PSME4: variants seen among roughly 807,000 people sequenced by gnomAD.
The protein encoded by PSME4 is proteasome activator subunit 4.
Under a neutral mutation model 253.9 loss-of-function variants are expected in PSME4, and 89 were observed. The observed-to-expected ratio is 0.35, with a 90% confidence interval of 0.30 to 0.42. The LOEUF (loss-of-function observed/expected upper bound fraction) is 0.42, where lower values mean the gene tolerates loss of function less well. Ranked by LOEUF, PSME4 falls within the 10% of genes least tolerant of loss-of-function variation. The pLI, the probability that PSME4 is intolerant of heterozygous loss-of-function variation, is 1.00. For synonymous variants in PSME4, 851 were observed against 759.2 expected (o/e 1.12, Z -1.99); for missense variants, 2,014 against 2,195.2 (o/e 0.92, Z 1.65).
chr2:53,920,537 G>GA (rs776638128), intron 18 of PSME4, among the ~76,000 whole-genome samples, 187 bp from the exon 19 acceptor site: 8 of 152,138 alleles, frequency 5.3e-5, no homozygotes, highest in Admixed American at 1.3e-4. Flanking sequence ...TATCACTCCT[G>GA]AAAAAAGTCT....
At chr2:53,953,476 C>T (rs1670092371) in intron 1 of PSME4, among the ~76,000 whole-genome samples, 2 of 123,228 alleles carry the variant, frequency 1.6e-5, no homozygotes, top group Non-Finnish European at 3.3e-5. Flanking sequence ...ATGGTGAAAC[C>T]CCATGTCTAT....
intron 26 of PSME4, among the ~76,000 whole-genome samples, chr2:53,904,806 T>C (rs1027207127): frequency 2.6e-5 from 4 of 151,652 alleles, no homozygotes; most frequent in East Asian, 2.0e-4. Flanking sequence ...CTGGCCAACA[T>C]GGTGAAACCC....
At chr2:53,936,526 A>C (rs1255161199) in intron 6 of PSME4, among the ~76,000 whole-genome samples, 1 of 152,184 alleles carries the variant, frequency 6.6e-6, no homozygotes, top group African/African-American at 2.4e-5. Context: ...TTTACAATAC[A>C]TGCTTATACT....
chr2:53,890,822 G>A (rs1269711826), intron 36 of PSME4, among the ~76,000 whole-genome samples: 1 of 152,100 alleles, frequency 6.6e-6, no homozygotes, highest in Non-Finnish European at 1.5e-5. Flanking sequence ...GAAATCAGGA[G>A]TTCAAGATCA....
At chr2:53,895,391 G>C (rs544815348) in intron 33 of PSME4, among the ~76,000 whole-genome samples, 192 bp downstream of exon 33, 18 of 152,124 alleles carry the variant, frequency 1.2e-4, no homozygotes, top group Non-Finnish European at 2.2e-4. Flanking sequence ...ATTCAGAAAG[G>C]CTAAGGGTTT....
chr2:53,954,982 C>G (rs1346544012), intron 1 of PSME4, among the ~76,000 whole-genome samples: 1 of 151,806 alleles, frequency 6.6e-6, no homozygotes, highest in Non-Finnish European at 1.5e-5. Flanking sequence ...GAATTCAAGA[C>G]TAGCCTGGGT....
At chr2:53,923,171 G>T in intron 15 of PSME4, 53 bp from the exon 16 acceptor site, 1 of 1,515,862 alleles carries the variant, frequency 6.6e-7, no homozygotes, top group Non-Finnish European at 9.0e-7. Flanking sequence ...ATATATACAA[G>T]ATTATATTTT....
At chr2:53,872,325 C>T (rs1558641777) in intron 43 of PSME4, among the ~76,000 whole-genome samples, 1 of 152,114 alleles carries the variant, frequency 6.6e-6, no homozygotes, top group Non-Finnish European at 1.5e-5. Context: ...AAACAGTTCT[C>T]ATTTAGATAA....
chr2:53,953,269 C>A (rs1006156224), intron 1 of PSME4, among the ~76,000 whole-genome samples: 1 of 151,846 alleles, frequency 6.6e-6, no homozygotes, highest in African/African-American at 2.4e-5. Context: ...CACTATAAGA[C>A]ACCATTAAAA....
chr2:53,868,552 T>TA (rs1553401978), intron 44 of PSME4, among the ~76,000 whole-genome samples: 2 of 51,446 alleles, frequency 3.9e-5, no homozygotes, highest in African/African-American at 6.4e-5. Context: ...TAAATATATT[T>TA]ATAATATATA....
intron 33 of PSME4, 135 bp downstream of exon 33, chr2:53,895,448 A>G (rs1680096863): frequency 1.1e-6 from 1 of 919,602 alleles, no homozygotes; most frequent in South Asian, 1.8e-5. Flanking sequence ...TGGCAGGAGC[A>G]AAAGAAAGAG....
chr2:53,939,343 C>T (rs562273386), intron 4 of PSME4, among the ~76,000 whole-genome samples: 8 of 151,862 alleles, frequency 5.3e-5, no homozygotes, highest in East Asian at 1.9e-4. Flanking sequence ...AGTTCAAGTA[C>T]GTAAAATTGA....
chr2:53,887,847 A>G lies in PSME4; in HGVS notation c.4520+11T>C. 1 of 1,585,302 alleles carries G rather than the reference A, an allele frequency of 6.3e-7. No homozygotes were observed. Among genetic ancestry groups the G allele is most frequent in the Non-Finnish European group, 8.6e-7 (1 of 1,156,818 alleles). On this transcript the variant is annotated intron_variant, in intron 39 of 46. Coordinates refer to ENST00000404125, the MANE Select transcript of PSME4 (RefSeq NM_014614.3). ...ACTCGAGAGGTACACCACAGAGAAA[A>G]CAGTACCTACCTTCCTATTCTTTCT...
rs1257934079 is a variant in PSME4, at chr2:53,934,625, T to C, written c.937A>G (p.Ile313Val). ...TNAYDIGHAV[I>V]WITAMMGGPS... ...CAAACCATCATGGCGGTGATCCATA[T>C]TACAGCATGTCCTATATCATAAGCA... The change falls in exon 8 of 47, where the codon ATA (isoleucine) becomes GTA (valine). Residue 313 changes from isoleucine to valine, a missense_variant. Transcript: ENST00000404125. 2 of 1,612,582 alleles carry C rather than the reference T, an allele frequency of 1.2e-6. No individual in the cohort carries two copies. Among genetic ancestry groups the C allele is most frequent in the Non-Finnish European group, 8.5e-7 (1 of 1,179,038 alleles).
chr2:53,917,670 A>T (rs569663821), intron 20 of PSME4, among the ~76,000 whole-genome samples: 3 of 152,194 alleles, frequency 2.0e-5, no homozygotes, highest in Non-Finnish European at 2.9e-5. Context: ...GACACCTTCA[A>T]GCAGAACTCA....
At chr2:53,877,026 G>A (rs925281979) in intron 41 of PSME4, among the ~76,000 whole-genome samples, 7 of 151,838 alleles carry the variant, frequency 4.6e-5, no homozygotes, top group Admixed American at 1.3e-4. Context: ...CCCAGTATCC[G>A]TATTTGTTTT....
intron 35 of PSME4, among the ~76,000 whole-genome samples, chr2:53,893,374 T>A (rs964318917): frequency 6.6e-6 from 1 of 152,192 alleles, no homozygotes; most frequent in Non-Finnish European, 1.5e-5. Flanking sequence ...TAAAATGGTA[T>A]TGTATTTGCA....
chr2:53,965,967 C>T (rs980437255), intron 1 of PSME4, among the ~76,000 whole-genome samples: 3 of 152,168 alleles, frequency 2.0e-5, no homozygotes, highest in Non-Finnish European at 2.9e-5. Context: ...CCGCCACGCC[C>T]AGCCAAAATT....
intron 30 of PSME4, 112 bp downstream of exon 30, chr2:53,898,189 C>G: frequency 8.1e-7 from 1 of 1,234,190 alleles, no homozygotes; most frequent in Non-Finnish European, 1.1e-6. Flanking sequence ...TCCAAATACA[C>G]AAACCGGAAT....
Sources: gnomAD v4.1 joint callset for allele counts (sites outside exome capture counted in the v4.1 genomes callset) on GRCh38, gnomAD v4.1.1 for gene constraint, MANE v1.5 for transcripts, NCBI Gene and HGNC (gene_info 2026-07-23, HGNC 2026-07-21) for gene names.